The following LMX1A variants were observed in gnomAD, a reference collection of about 807,000 sequenced individuals.
The protein encoded by LMX1A is LIM homeobox transcription factor 1-alpha.
Under a neutral mutation model 49.1 loss-of-function variants are expected in LMX1A, and 15 were observed. The ratio of observed to expected loss-of-function variants is 0.31; its 90% confidence interval spans 0.20 to 0.47. The LOEUF is 0.47. LMX1A is among the 20% of genes least tolerant of loss of function. The pLI, the probability that LMX1A is intolerant of heterozygous loss-of-function variation, is 1.00. For synonymous variants in LMX1A, 167 were observed against 185.7 expected (o/e 0.90, Z 0.82); for missense variants, 372 against 475.8 (o/e 0.78, Z 2.03).
chr1:165,296,398 C>T (rs11809085), intron 3 of LMX1A, among the ~76,000 whole-genome samples: 33,385 of 152,244 alleles, frequency 0.22, 4,155 homozygotes, highest in African/African-American at 0.32. Flanking sequence ...GAGCAGGCCC[C>T]ACAGGGCACA....
chr1:165,313,847 C>T (rs1165915277), intron 3 of LMX1A, among the ~76,000 whole-genome samples: 1 of 152,058 alleles, frequency 6.6e-6, no homozygotes, highest in Non-Finnish European at 1.5e-5. Flanking sequence ...CTAGAAAAGC[C>T]CTCTTCAGAA....
chr1:165,208,218 C>A, intron 6 of LMX1A, 86 bp from the exon 7 acceptor site: 1 of 1,239,810 alleles, frequency 8.1e-7, no homozygotes, highest in Admixed American at 1.8e-5. Flanking sequence ...GTGACACCTT[C>A]CCCGGGAGAG....
chr1:165,345,172 GTGTTTTGTTT>G (rs1384284553), intron 3 of LMX1A, among the ~76,000 whole-genome samples: 1 of 152,218 alleles, frequency 6.6e-6, no homozygotes, highest in Admixed American at 6.5e-5. Flanking sequence ...TCAGGAGGGG[GTGTTTTGTTT>G]TGTTTCGAAA....
chr1:165,335,858 T>C (rs1034776367), intron 3 of LMX1A, among the ~76,000 whole-genome samples: 2 of 152,098 alleles, frequency 1.3e-5, no homozygotes, highest in Admixed American at 1.3e-4. Context: ...TGTCAGCTTT[T>C]ACATCCTTTT....
At chr1:165,304,358 T>G (rs1411046839) in intron 3 of LMX1A, among the ~76,000 whole-genome samples, 1 of 152,178 alleles carries the variant, frequency 6.6e-6, no homozygotes, top group East Asian at 1.9e-4. Flanking sequence ...TCAATAACCA[T>G]GAGAGTTGGT....
chr1:165,257,177 T>C (rs1320264807), intron 3 of LMX1A, among the ~76,000 whole-genome samples: 2 of 152,152 alleles, frequency 1.3e-5, no homozygotes, highest in East Asian at 1.9e-4. Context: ...AATAGAACTA[T>C]TTTATGAACT....
intron 3 of LMX1A, among the ~76,000 whole-genome samples, chr1:165,265,059 C>T (rs1653576423): frequency 6.6e-6 from 1 of 151,980 alleles, no homozygotes; most frequent in South Asian, 2.1e-4. Context: ...AAAAAATTAG[C>T]CGGGCATGGT....
intron 3 of LMX1A, among the ~76,000 whole-genome samples, chr1:165,303,692 A>G (rs1169597589): frequency 6.6e-6 from 1 of 152,168 alleles, no homozygotes; most frequent in Non-Finnish European, 1.5e-5. Context: ...GATGGGAAGT[A>G]GGCGGGTACT....
At chr1:165,299,820 C>T (rs1241743033) in intron 3 of LMX1A, among the ~76,000 whole-genome samples, 1 of 148,144 alleles carries the variant, frequency 6.8e-6, no homozygotes, top group Non-Finnish European at 1.5e-5. Flanking sequence ...CTATACTGTA[C>T]TATTAGCAAC....
chr1:165,300,095 T>C (rs1654733049), intron 3 of LMX1A, among the ~76,000 whole-genome samples: 2 of 114,708 alleles, frequency 1.7e-5, no homozygotes, highest in South Asian at 3.2e-4. Context: ...CTGATCTCAC[T>C]GGACACCTTG....
chr1:165,242,736 T>C (rs920395842), intron 4 of LMX1A, among the ~76,000 whole-genome samples: 1 of 150,344 alleles, frequency 6.7e-6, no homozygotes. Context: ...AAAAATTAGC[T>C]GGGCTAATTT....
intron 3 of LMX1A, among the ~76,000 whole-genome samples, chr1:165,305,587 C>T (rs1355374851): frequency 1.3e-5 from 2 of 152,214 alleles, no homozygotes; most frequent in African/African-American, 2.4e-5. Flanking sequence ...CTTTCTGACA[C>T]AGCTCCTGGG....
intron 3 of LMX1A, among the ~76,000 whole-genome samples, chr1:165,352,170 C>T (rs1319469387): frequency 1.3e-5 from 2 of 152,242 alleles, no homozygotes; most frequent in Non-Finnish European, 2.9e-5. Context: ...CCGGCACGCC[C>T]GGAGAGAATA....
chr1:165,346,515 T>G (rs1436778889), intron 3 of LMX1A, among the ~76,000 whole-genome samples: 1 of 152,240 alleles, frequency 6.6e-6, no homozygotes, highest in Non-Finnish European at 1.5e-5. Context: ...TACAGATGAT[T>G]TGGTTGCCTT....
chr1:165,300,950 T>C (rs781314863), intron 3 of LMX1A, among the ~76,000 whole-genome samples: 4 of 152,274 alleles, frequency 2.6e-5, no homozygotes, highest in Admixed American at 1.3e-4. Flanking sequence ...CTAGAGGATC[T>C]GAGGGCCAGG....
intron 3 of LMX1A, among the ~76,000 whole-genome samples, chr1:165,272,094 C>T (rs948102148): frequency 1.3e-5 from 2 of 151,946 alleles, no homozygotes; most frequent in Non-Finnish European, 2.9e-5. Context: ...TGGTTTGCTG[C>T]ACCTATCAAC....
chr1:165,260,916 T>C (rs1653413843), intron 3 of LMX1A, among the ~76,000 whole-genome samples: 1 of 152,210 alleles, frequency 6.6e-6, no homozygotes, highest in Admixed American at 6.5e-5. Flanking sequence ...TTCAAGGATC[T>C]CAAAGCACAT....
At chr1:165,273,454 C>T (rs1044809241) in intron 3 of LMX1A, among the ~76,000 whole-genome samples, 1 of 152,172 alleles carries the variant, frequency 6.6e-6, no homozygotes, top group Admixed American at 6.5e-5. Flanking sequence ...AAGGAGAAAA[C>T]AATCTGTCAA....
intron 3 of LMX1A, among the ~76,000 whole-genome samples, chr1:165,331,102 T>C (rs1655730780): frequency 6.6e-6 from 1 of 152,176 alleles, no homozygotes; most frequent in South Asian, 2.1e-4. Flanking sequence ...CAGGACACAA[T>C]TTAAAATTAT....
Sources: gnomAD v4.1 joint callset for allele counts (sites outside exome capture counted in the v4.1 genomes callset) on GRCh38, gnomAD v4.1.1 for gene constraint, MANE v1.5 for transcripts, NCBI Gene and HGNC (gene_info 2026-07-23, HGNC 2026-07-21) for gene names.